RTN4RL1: variants seen among roughly 807,000 people sequenced by gnomAD.
RTN4RL1 encodes the protein reticulon 4 receptor like 1.
Under a neutral mutation model 25.6 loss-of-function variants are expected in RTN4RL1, and 7 were observed. That is an observed-to-expected ratio of 0.27 (90% CI 0.16 to 0.51). The LOEUF (loss-of-function observed/expected upper bound fraction) is 0.51. Among genes scored for constraint, RTN4RL1 ranks in the 20% least tolerant of loss-of-function variants. RTN4RL1 has a pLI of 0.97. For synonymous variants in RTN4RL1, 297 were observed against 288.2 expected (o/e 1.03, Z -0.31); for missense variants, 500 against 615.6 (o/e 0.81, Z 1.99).
At chr17:1,993,259 AGAAAAGAAAAGAAAC>A (rs1317974212) in intron 1 of RTN4RL1, among the ~76,000 whole-genome samples, 1 of 152,120 alleles carries the variant, frequency 6.6e-6, no homozygotes, top group Non-Finnish European at 1.5e-5. Context: ...AAAAAAGAAA[AGAAAAGAAAAGAAAC>A]TACAGGTGTG....
At chr17:1,970,270 G>A (rs757827882) in intron 1 of RTN4RL1, among the ~76,000 whole-genome samples, 21 of 151,900 alleles carry the variant, frequency 1.4e-4, no homozygotes, top group African/African-American at 2.2e-4. Context: ...ATCCACCTGC[G>A]TCAGCCTCCC....
intron 1 of RTN4RL1, among the ~76,000 whole-genome samples, chr17:1,956,358 C>G (rs900935555): frequency 6.6e-6 from 1 of 151,292 alleles, no homozygotes; most frequent in Non-Finnish European, 1.5e-5. Flanking sequence ...GGGTGTGAAG[C>G]CTTGGACAGC....
chr17:1,999,092 G>T (rs894576463), intron 1 of RTN4RL1, among the ~76,000 whole-genome samples: 1 of 48,072 alleles, frequency 2.1e-5, no homozygotes, highest in Non-Finnish European at 3.7e-5. Context: ...ACACATGCGC[G>T]ATCACACACA....
At chr17:2,015,497 G>A (rs2151328349) in intron 1 of RTN4RL1, among the ~76,000 whole-genome samples, 1 of 152,294 alleles carries the variant, frequency 6.6e-6, no homozygotes, top group South Asian at 2.1e-4. Flanking sequence ...ACATTGGAGA[G>A]GTGGCAAGAG....
At chr17:1,946,985 G>T (rs972753524) in intron 1 of RTN4RL1, among the ~76,000 whole-genome samples, 10 of 136,498 alleles carry the variant, frequency 7.3e-5, no homozygotes, top group African/African-American at 2.7e-4. Flanking sequence ...GAATGTGTGT[G>T]CATGGGGCCT....
At chr17:1,945,250 A>G (rs957935122) in intron 1 of RTN4RL1, among the ~76,000 whole-genome samples, 5 of 151,938 alleles carry the variant, frequency 3.3e-5, no homozygotes, top group East Asian at 1.9e-4. Flanking sequence ...CTGTGACAGA[A>G]TCTCACCTAT....
intron 1 of RTN4RL1, among the ~76,000 whole-genome samples, chr17:2,023,926 C>CGG (rs528133688): frequency 1.4e-4 from 21 of 152,054 alleles, no homozygotes; most frequent in Admixed American, 2.6e-4. Context: ...GGGCCAGGCG[C>CGG]GGGGGGGATC....
At chr17:1,973,365 TAA>T (rs35165215) in intron 1 of RTN4RL1, among the ~76,000 whole-genome samples, 2,830 of 124,744 alleles carry the variant, frequency 0.023, 38 homozygotes, top group Non-Finnish European at 0.033. Context: ...GACACTGTCT[TAA>T]AAAAAAAAAA....
At chr17:1,982,658 G>A (rs1352120979) in intron 1 of RTN4RL1, among the ~76,000 whole-genome samples, 1 of 150,110 alleles carries the variant, frequency 6.7e-6, no homozygotes, top group African/African-American at 2.5e-5. Flanking sequence ...GAAACTCTGG[G>A]AAGGGGCAGT....
chr17:1,999,638 A>G (rs1336510079), intron 1 of RTN4RL1, among the ~76,000 whole-genome samples: 5 of 149,460 alleles, frequency 3.3e-5, no homozygotes, highest in Non-Finnish European at 7.4e-5. Context: ...GCACACATGC[A>G]CAAATACACA....
chr17:2,020,992 C>A lies in RTN4RL1; in HGVS notation c.13+3861G>T, dbSNP rs541794877. ...TGCCCTGCTGCCTCTCACCTCTTAA[C>A]CAGAGGCTTGCTTTTAATATCCCTG... On this transcript the variant is annotated intron_variant, in intron 1 of 1. Coordinates refer to ENST00000331238, the MANE Select transcript of RTN4RL1 (RefSeq NM_178568.4). 9.2e-5 allele frequency among the ~76,000 whole-genome samples: 14 copies of A among 152,314 alleles called. No individual in the cohort carries two copies. The South Asian group carries it at 2.9e-3, about 32-fold the overall frequency.
chr17:1,940,180 G>A (rs549848117), intron 1 of RTN4RL1, among the ~76,000 whole-genome samples: 57 of 152,296 alleles, frequency 3.7e-4, no homozygotes, highest in African/African-American at 1.3e-3. Flanking sequence ...GCTGCTTCCC[G>A]TCCCCTGTAA....
Position 2,006,156 on chromosome 17 carries a change from C to A in RTN4RL1, c.13+18697G>T, listed in dbSNP as rs867950538. ...GAATGTCATATTTGGGGGAGGTTTG[C>A]AATTTTTTTTTTTTTTTTGGCAACA... is the stretch of plus-strand genomic sequence containing the variant. On this transcript the variant is annotated intron_variant, in intron 1 of 1. Coordinates refer to ENST00000331238, the MANE Select transcript of RTN4RL1 (RefSeq NM_178568.4). 7.7e-4 allele frequency among the ~76,000 whole-genome samples: 110 copies of A among 142,104 alleles called. 1 individual carries two copies. Among genetic ancestry groups the A allele is most frequent in the African/African-American group, 2.8e-3 (104 of 36,728 alleles). The allele number at this position is 142,104 out of a possible 152,430, so 93.2% of individuals were successfully genotyped here.
chr17:1,988,156 C>T (rs373359524), intron 1 of RTN4RL1, among the ~76,000 whole-genome samples: 27 of 152,010 alleles, frequency 1.8e-4, no homozygotes, highest in African/African-American at 6.0e-4. Context: ...TGGTGGCTCA[C>T]GCCTGTAATC....
At chr17:2,018,592 G>A (rs2067157848) in intron 1 of RTN4RL1, among the ~76,000 whole-genome samples, 1 of 152,206 alleles carries the variant, frequency 6.6e-6, no homozygotes, top group Non-Finnish European at 1.5e-5. Flanking sequence ...CAAGACAGAT[G>A]GGCACGTGAG....
At chr17:2,020,566 C>T (rs2067187690) in intron 1 of RTN4RL1, 1 of 152,182 alleles carries the variant, frequency 6.6e-6, no homozygotes, top group African/African-American at 2.4e-5. Context: ...CCCGTGGAAA[C>T]CAAGGGAACC....
At chr17:1,965,478 G>C (rs1766623024) in intron 1 of RTN4RL1, among the ~76,000 whole-genome samples, 1 of 152,202 alleles carries the variant, frequency 6.6e-6, no homozygotes, top group Non-Finnish European at 1.5e-5. Flanking sequence ...AGTTGGTCTT[G>C]AGTGGGGAAC....
chr17:1,979,687 G>T (rs747017992), intron 1 of RTN4RL1, among the ~76,000 whole-genome samples: 1 of 152,132 alleles, frequency 6.6e-6, no homozygotes, highest in African/African-American at 2.4e-5. Flanking sequence ...CAATCACTGC[G>T]CACCTGCTAT....
chr17:2,010,845 C>T (rs901477131), intron 1 of RTN4RL1, among the ~76,000 whole-genome samples: 2 of 152,214 alleles, frequency 1.3e-5, no homozygotes, highest in African/African-American at 4.8e-5. Context: ...CCTCGGCCTC[C>T]CTAAGTGTTG....
Sources: allele counts gnomAD v4.1 joint callset (sites outside exome capture counted in the v4.1 genomes callset), GRCh38; gene constraint gnomAD v4.1.1; transcripts MANE v1.5; gene names NCBI Gene and HGNC (gene_info 2026-07-23, HGNC 2026-07-21).